Variants in RASA1 observed in about 807,000 individuals in gnomAD.
The protein encoded by RASA1 is ras GTPase-activating protein 1.
In RASA1, 25 loss-of-function variants were observed where a neutral mutation model predicts 132.2. The ratio of observed to expected loss-of-function variants is 0.19; its 90% CI spans 0.14 to 0.26. RASA1 has a LOEUF of 0.26. Among genes scored for constraint, RASA1 ranks in the 10% least tolerant of loss-of-function variants. The pLI, the probability that RASA1 is intolerant of heterozygous loss-of-function variation, is 1.00. For missense variants in RASA1, 964 were observed against 1,299.2 expected (o/e 0.74, Z 3.97); for synonymous variants, 477 against 449.9 (o/e 1.06, Z -0.76).
intron 1 of RASA1, among the ~76,000 whole-genome samples, chr5:87,324,509 G>A (rs886847462): frequency 2.0e-5 from 3 of 152,146 alleles, no homozygotes; most frequent in Admixed American, 6.6e-5. Context: ...GTGTATGATA[G>A]TGCTGTTTCT....
At chr5:87,355,039 A>G (rs1759548827) in intron 9 of RASA1, among the ~76,000 whole-genome samples, 1 of 152,184 alleles carries the variant, frequency 6.6e-6, no homozygotes, top group Non-Finnish European at 1.5e-5. Flanking sequence ...GATTTAAGGA[A>G]AGATGCTATC....
chr5:87,372,463 C>T (rs1761018774), intron 13 of RASA1, among the ~76,000 whole-genome samples: 1 of 152,110 alleles, frequency 6.6e-6, no homozygotes, highest in South Asian at 2.1e-4. Flanking sequence ...CTGTTGGGCA[C>T]TTAATTTTCC....
chr5:87,338,898 C>T lies in RASA1; in HGVS notation c.1017+807C>T, dbSNP rs544247007. 2.0e-5 allele frequency among the ~76,000 whole-genome samples: 3 copies of T among 151,756 alleles called. No homozygotes were observed. The East Asian group carries it at 5.8e-4, about 29-fold the overall frequency. Reference sequence around the variant, plus strand: ...TGAATCTCGTCCTTGTTTTTGTTTCCATCATATAATACGTTATCATGGTAT... The same window carrying T: ...TGAATCTCGTCCTTGTTTTTGTTTCTATCATATAATACGTTATCATGGTAT... On this transcript the variant is annotated intron_variant, in intron 5 of 24. Coordinates refer to ENST00000274376, the MANE Select transcript of RASA1 (RefSeq NM_002890.3).
At chr5:87,336,794 T>G (rs1310568131) in intron 4 of RASA1, among the ~76,000 whole-genome samples, 3 of 152,098 alleles carry the variant, frequency 2.0e-5, no homozygotes, top group African/African-American at 7.2e-5. Flanking sequence ...ATAGTTTAAT[T>G]GGTTAAGTGG....
Position 87,268,966 on chromosome 5 carries a change from C to G in RASA1, c.515C>G (p.Pro172Arg), listed in dbSNP as rs776808856. 7 of 1,614,182 alleles carry G rather than the reference C, an allele frequency of 4.3e-6. No individual in the cohort carries two copies. Among genetic ancestry groups the G allele is most frequent in the South Asian group, 1.1e-5 (1 of 91,082 alleles). ...TACGAGGAGGAAGAGGTGGCCATAC[C>G]GTTGACCGCTCCTCCAACTAACCAG... is the stretch of plus-strand genomic sequence containing the variant. ...PEYEEEEVAI[P>R]LTAPPTNQWY... The change falls in exon 1 of 25, where the codon CCG (proline) becomes CGG (arginine). Residue 172 changes from proline to arginine, a missense_variant. Around this residue, in one of 6 missense-constraint regions of RASA1, gnomAD observed 326 missense variants for 275.8 expected, o/e 1.18. Transcript: ENST00000274376.
chr5:87,327,152 C>T (rs917729632), intron 1 of RASA1, among the ~76,000 whole-genome samples: 3 of 152,092 alleles, frequency 2.0e-5, no homozygotes, highest in African/African-American at 4.8e-5. Flanking sequence ...TGTGTTAGCT[C>T]ATTTAATAAT....
intron 11 of RASA1, among the ~76,000 whole-genome samples, chr5:87,364,007 T>TC (rs1237111339): frequency 3.3e-5 from 5 of 152,150 alleles, no homozygotes; most frequent in African/African-American, 1.2e-4. Flanking sequence ...ATAAGCTGAA[T>TC]CCTAAACATC....
At chr5:87,320,726 A>G (rs1756730769) in intron 1 of RASA1, among the ~76,000 whole-genome samples, 1 of 152,224 alleles carries the variant, frequency 6.6e-6, no homozygotes, top group Non-Finnish European at 1.5e-5. Context: ...ATACAGAGCA[A>G]CCATATCAGA....
At chr5:87,307,244 C>T (rs1057147926) in intron 1 of RASA1, among the ~76,000 whole-genome samples, 2 of 152,068 alleles carry the variant, frequency 1.3e-5, no homozygotes, top group East Asian at 1.9e-4. Context: ...TTCTGCATTA[C>T]GGTTTGACAG....
At chr5:87,269,818 C>G (rs1580180683) in intron 1 of RASA1, among the ~76,000 whole-genome samples, 1 of 152,146 alleles carries the variant, frequency 6.6e-6, no homozygotes, top group South Asian at 2.1e-4. Flanking sequence ...AATACCTCCT[C>G]CTCACTTGTC....
chr5:87,299,150 T>C (rs1194188501), intron 1 of RASA1, among the ~76,000 whole-genome samples: 4 of 152,194 alleles, frequency 2.6e-5, no homozygotes, highest in African/African-American at 9.6e-5. Context: ...CTATGAGTCA[T>C]TAATATACTA....
chr5:87,327,813 A>C (rs1379201878), intron 1 of RASA1, among the ~76,000 whole-genome samples: 1 of 151,974 alleles, frequency 6.6e-6, no homozygotes, highest in Non-Finnish European at 1.5e-5. Context: ...AAAAATACAA[A>C]AGTTAGCCGG....
intron 1 of RASA1, among the ~76,000 whole-genome samples, chr5:87,300,153 TGAGCCCG>T (rs1755296180): frequency 6.6e-6 from 1 of 152,134 alleles, no homozygotes; most frequent in Non-Finnish European, 1.5e-5. Context: ...GAGGATTGCA[TGAGCCCG>T]GGAGTTAGAG....
At chr5:87,290,364 C>G (rs1359413865) in intron 1 of RASA1, among the ~76,000 whole-genome samples, 1 of 152,114 alleles carries the variant, frequency 6.6e-6, no homozygotes, top group African/African-American at 2.4e-5. Flanking sequence ...TTTTTTAGAG[C>G]AGTTTTAGCT....
At position 87,269,002 on chromosome 5, in the gene RASA1, C is replaced by G. The variant is rs751946504; in HGVS notation, c.539+12C>G. On this transcript the variant is annotated intron_variant, in intron 1 of 24. Coordinates refer to ENST00000274376, the MANE Select transcript of RASA1 (RefSeq NM_002890.3). Reference sequence around the variant, plus strand: ...CCTCCAACTAACCAGTAAGTTAAGACTGCTGTTCAGGAATTTGGGAAGCTG... The same window carrying G: ...CCTCCAACTAACCAGTAAGTTAAGAGTGCTGTTCAGGAATTTGGGAAGCTG... 1.1e-5 allele frequency: 17 copies of G among 1,614,082 alleles called. No individual in the cohort carries two copies. The highest frequency in any genetic ancestry group is 9.3e-6 in the Non-Finnish European group (11 of 1,180,048).
chr5:87,307,123 C>T (rs555340055), intron 1 of RASA1, among the ~76,000 whole-genome samples: 3 of 152,290 alleles, frequency 2.0e-5, no homozygotes, highest in East Asian at 3.9e-4. Context: ...CCTCGTCAGC[C>T]TCCTGAAGTG....
intron 1 of RASA1, among the ~76,000 whole-genome samples, chr5:87,287,672 A>G (rs1249402262): frequency 1.4e-5 from 2 of 147,218 alleles, no homozygotes; most frequent in Admixed American, 6.9e-5. Context: ...GATATACACC[A>G]TATATGTACA....
At chr5:87,330,089 G>A (rs928021897) in intron 1 of RASA1, among the ~76,000 whole-genome samples, 11 of 152,170 alleles carry the variant, frequency 7.2e-5, no homozygotes, top group Non-Finnish European at 1.0e-4. Flanking sequence ...TTGTTAAGTC[G>A]TAATGGAACG....
intron 6 of RASA1, among the ~76,000 whole-genome samples, chr5:87,341,723 C>CTT (rs3840123): frequency 3.3e-5 from 5 of 151,000 alleles, no homozygotes; most frequent in Admixed American, 1.3e-4. Context: ...TCAGCAAGGT[C>CTT]TTTTTTTTTC....
Sources: gnomAD v4.1 joint callset for allele counts (sites outside exome capture counted in the v4.1 genomes callset) on GRCh38, gnomAD v4.1.1 for gene constraint, gnomAD v4.1.1 regional missense constraint, MANE v1.5 for transcripts, NCBI Gene and HGNC (gene_info 2026-07-23, HGNC 2026-07-21) for gene names.